Variants in MIS18A observed in about 807,000 individuals in gnomAD.
MIS18A encodes MIS18 kinetochore protein A, also known as protein Mis18-alpha.
A neutral mutation model predicts 25.0 loss-of-function variants in MIS18A; 14 were observed. That is an observed-to-expected ratio of 0.56 (90% CI 0.37 to 0.88). The LOEUF is 0.88. MIS18A is among the 40% of genes least tolerant of loss of function. The pLI, the probability that MIS18A is intolerant of heterozygous loss-of-function variation, is 0.00. For synonymous variants in MIS18A, 134 were observed against 118.6 expected (o/e 1.13, Z -0.84); for missense variants, 292 against 290.8 (o/e 1.00, Z -0.03).
the MIS18A span, among the ~76,000 whole-genome samples, chr21:32,169,424 A>G: frequency 1.3e-5 from 2 of 152,170 alleles, no homozygotes; most frequent in South Asian, 2.1e-4. Flanking sequence ...AGCTGCCTCA[A>G]GTGGCAAAAC....
At chr21:32,204,242 C>T in the MIS18A span, among the ~76,000 whole-genome samples, 81,114 of 151,742 alleles carry the variant, frequency 0.53, 23,720 homozygotes, top group African/African-American at 0.79. Context: ...CTCACGCCTG[C>T]AATCCCAGCA....
At chr21:32,227,437 ACACCAAAAAAT>A in the MIS18A span, among the ~76,000 whole-genome samples, 17 of 152,110 alleles carry the variant, frequency 1.1e-4, no homozygotes, top group Non-Finnish European at 2.4e-4. Flanking sequence ...GGGCAATTGT[ACACCAAAAAAT>A]CAGATAACCT....
chr21:32,225,412 T>A, the MIS18A span, among the ~76,000 whole-genome samples: 1 of 65,590 alleles, frequency 1.5e-5, no homozygotes. Flanking sequence ...GAATCTACAA[T>A]GAACTCAAAC....
chr21:32,199,160 T>C, the MIS18A span, among the ~76,000 whole-genome samples: 1 of 152,184 alleles, frequency 6.6e-6, no homozygotes, highest in Non-Finnish European at 1.5e-5. Context: ...TTTATATGGA[T>C]TTGCATATTT....
At chr21:32,267,779 C>A (rs1359027383), downstream of MIS18A, among the ~76,000 whole-genome samples, 1 of 152,234 alleles carries the variant, frequency 6.6e-6, no homozygotes, top group Non-Finnish European at 1.5e-5. Flanking sequence ...GAGCTTACTG[C>A]AGCTGGATGC....
chr21:32,164,345 C>T, the MIS18A span, among the ~76,000 whole-genome samples: 1 of 152,166 alleles, frequency 6.6e-6, no homozygotes, highest in Non-Finnish European at 1.5e-5. Flanking sequence ...TAGCTATATT[C>T]AATTACCGGC....
the MIS18A span, among the ~76,000 whole-genome samples, chr21:32,255,582 T>C: frequency 6.8e-6 from 1 of 147,476 alleles, no homozygotes; most frequent in Non-Finnish European, 1.5e-5. Flanking sequence ...GGAAGACCCA[T>C]CTAGTTAAAG....
downstream of MIS18A, among the ~76,000 whole-genome samples, chr21:32,267,579 G>C (rs1312691280): frequency 6.6e-6 from 1 of 152,222 alleles, no homozygotes; most frequent in Non-Finnish European, 1.5e-5. Context: ...AGGGTATAAG[G>C]AATCGGGGAG....
the MIS18A span, among the ~76,000 whole-genome samples, chr21:32,252,527 G>A: frequency 6.6e-6 from 1 of 152,188 alleles, no homozygotes; most frequent in Non-Finnish European, 1.5e-5. Context: ...GATATCTACA[G>A]CAAAGCAAAA....
At chr21:32,266,427 T>C (rs1223895749), downstream of MIS18A, among the ~76,000 whole-genome samples, 5 of 152,072 alleles carry the variant, frequency 3.3e-5, no homozygotes, top group South Asian at 2.1e-4. Flanking sequence ...CCTTCCACAC[T>C]GTGGAAGCTT....
At chr21:32,260,818 G>C in the MIS18A span, 1 of 152,354 alleles carries the variant, frequency 6.6e-6, no homozygotes, top group East Asian at 1.9e-4. Flanking sequence ...TTCGAGACCA[G>C]CCTGGCCAAC....
chr21:32,200,610 A>AC, the MIS18A span, among the ~76,000 whole-genome samples: 2 of 149,504 alleles, frequency 1.3e-5, no homozygotes, highest in Non-Finnish European at 3.0e-5. Context: ...ATTTTTTTGT[A>AC]TTTTTTTTTA....
chr21:32,207,777 C>A, the MIS18A span, among the ~76,000 whole-genome samples: 629 of 152,106 alleles, frequency 4.1e-3, 3 homozygotes, highest in African/African-American at 0.014. Context: ...TCTATTAATG[C>A]AGGATATTAC....
chr21:32,229,755 T>C, the MIS18A span, among the ~76,000 whole-genome samples: 1 of 152,352 alleles, frequency 6.6e-6, no homozygotes. Context: ...AGCGGATCAA[T>C]ATGTATTTAA....
At chr21:32,238,604 T>C in the MIS18A span, among the ~76,000 whole-genome samples, 3 of 152,154 alleles carry the variant, frequency 2.0e-5, no homozygotes, top group African/African-American at 7.2e-5. Flanking sequence ...ACTATCACCA[T>C]TCCCTCTCTG....
the MIS18A span, among the ~76,000 whole-genome samples, chr21:32,255,999 T>G: frequency 6.6e-6 from 1 of 152,208 alleles, no homozygotes; most frequent in African/African-American, 2.4e-5. Flanking sequence ...TGGCTATGGA[T>G]GGTAAACTCA....
At chr21:32,192,165 C>T in the MIS18A span, among the ~76,000 whole-genome samples, 1 of 152,184 alleles carries the variant, frequency 6.6e-6, no homozygotes, top group Admixed American at 6.5e-5. Flanking sequence ...AGATGCACCC[C>T]ACTCACTGTT....
the MIS18A span, among the ~76,000 whole-genome samples, chr21:32,190,068 A>C: frequency 6.6e-6 from 1 of 152,210 alleles, no homozygotes. Context: ...GAAGAAGGTA[A>C]CCATGTGCCA....
the MIS18A span, among the ~76,000 whole-genome samples, chr21:32,209,351 G>T: frequency 6.6e-6 from 1 of 152,148 alleles, no homozygotes; most frequent in Non-Finnish European, 1.5e-5. Flanking sequence ...AGGCTCACTT[G>T]CTTAATGAAC....
Sources: allele counts gnomAD v4.1 joint callset (sites outside exome capture counted in the v4.1 genomes callset), GRCh38; gene constraint gnomAD v4.1.1; transcripts MANE v1.5; gene names NCBI Gene and HGNC (gene_info 2026-07-23, HGNC 2026-07-21).